TBC1D5: variants seen among roughly 807,000 people sequenced by gnomAD.
The protein encoded by TBC1D5 is TBC1 domain family member 5.
TBC1D5 carries 75 observed loss-of-function variants against 100.3 expected under a neutral mutation model. The ratio of observed to expected loss-of-function variants is 0.75; its 90% CI spans 0.62 to 0.91. TBC1D5 has a LOEUF of 0.91. Among genes scored for constraint, TBC1D5 ranks in the 40% least tolerant of loss-of-function variants. The probability of loss-of-function intolerance (pLI) is 0.00; values close to 1 mark genes in which losing one functional copy is unlikely to be tolerated. For synonymous variants in TBC1D5, 323 were observed against 325.6 expected, an observed-to-expected ratio of 0.99 and a Z score of 0.09; for missense variants, 910 against 942.4, an observed-to-expected ratio of 0.97 and a Z score of 0.45.
At chr3:17,704,491 G>A (rs1406395282) in intron 1 of TBC1D5, among the ~76,000 whole-genome samples, 2 of 132,168 alleles carry the variant, frequency 1.5e-5, no homozygotes, top group Non-Finnish European at 3.3e-5. Context: ...CTTCCCAGTA[G>A]GGGCGGCCGG....
At chr3:17,190,331 CAATTCTGGAA>C (rs1188604152) in intron 18 of TBC1D5, among the ~76,000 whole-genome samples, 1 of 152,054 alleles carries the variant, frequency 6.6e-6, no homozygotes, top group Non-Finnish European at 1.5e-5. Context: ...GGACTCCTTA[CAATTCTGGAA>C]AGGGAAGATG....
chr3:17,487,082 T>C (rs1026642941), intron 3 of TBC1D5, among the ~76,000 whole-genome samples: 1 of 152,234 alleles, frequency 6.6e-6, no homozygotes, highest in Admixed American at 6.5e-5. Context: ...AAACTGGCTA[T>C]AGCCTCTTGT....
chr3:17,378,237 CTCCAGTATTGAAGTCCT>C (rs1216730708), intron 9 of TBC1D5, among the ~76,000 whole-genome samples: 3 of 151,766 alleles, frequency 2.0e-5, no homozygotes, highest in African/African-American at 7.2e-5. Flanking sequence ...CTGAGGATTT[CTCCAGTATTGAAGTCCT>C]TGGAAGTAGA....
chr3:17,473,503 C>A (rs1246946706), intron 3 of TBC1D5, among the ~76,000 whole-genome samples: 1 of 152,122 alleles, frequency 6.6e-6, no homozygotes, highest in African/African-American at 2.4e-5. Flanking sequence ...AAAACTTAAA[C>A]CTAAATATAA....
intron 13 of TBC1D5, among the ~76,000 whole-genome samples, chr3:17,361,086 G>T (rs1245863804): frequency 6.6e-6 from 1 of 151,894 alleles, no homozygotes; most frequent in African/African-American, 2.4e-5. Flanking sequence ...GAAATCATTG[G>T]TTTCTCAAAC....
intron 19 of TBC1D5, among the ~76,000 whole-genome samples, chr3:17,181,266 G>A (rs7620885): frequency 0.034 from 5,102 of 152,228 alleles, 283 homozygotes; most frequent in African/African-American, 0.11. Flanking sequence ...TGGGAAATGT[G>A]GTACTAGTCC....
intron 19 of TBC1D5, among the ~76,000 whole-genome samples, chr3:17,168,907 G>T (rs1310039924): frequency 6.6e-6 from 1 of 152,126 alleles, no homozygotes; most frequent in East Asian, 1.9e-4. Context: ...CAGCTACTAG[G>T]GCTAATATAC....
At chr3:17,297,951 T>G (rs770040989) in intron 14 of TBC1D5, among the ~76,000 whole-genome samples, 3 of 152,110 alleles carry the variant, frequency 2.0e-5, no homozygotes, top group Non-Finnish European at 2.9e-5. Flanking sequence ...AGGTAAGTAC[T>G]CAGAATCAAA....
chr3:17,402,540 T>C (rs1257089994), intron 8 of TBC1D5, among the ~76,000 whole-genome samples: 1 of 152,076 alleles, frequency 6.6e-6, no homozygotes, highest in Non-Finnish European at 1.5e-5. Flanking sequence ...AAGAGGAAAC[T>C]GAGAGGGAAA....
At chr3:17,696,816 G>C (rs959132600) in intron 1 of TBC1D5, among the ~76,000 whole-genome samples, 6 of 152,108 alleles carry the variant, frequency 3.9e-5, no homozygotes, top group African/African-American at 1.4e-4. Context: ...AAGAATTTTA[G>C]ACCAATATCT....
At chr3:17,736,077 T>C (rs936684074) in intron 1 of TBC1D5, among the ~76,000 whole-genome samples, 1 of 152,168 alleles carries the variant, frequency 6.6e-6, no homozygotes, top group South Asian at 2.1e-4. Flanking sequence ...TAGTGAGCCC[T>C]CTTTACTACC....
At chr3:17,512,460 T>C (rs1560056650) in intron 2 of TBC1D5, among the ~76,000 whole-genome samples, 2 of 152,138 alleles carry the variant, frequency 1.3e-5, no homozygotes, top group African/African-American at 4.8e-5. Flanking sequence ...AGAACCAAGA[T>C]ACATACAGAG....
intron 2 of TBC1D5, among the ~76,000 whole-genome samples, chr3:17,549,998 T>C (rs1310481985): frequency 6.6e-6 from 1 of 151,434 alleles, no homozygotes; most frequent in East Asian, 1.9e-4. Flanking sequence ...CCTACTATCC[T>C]TTTGCAAAGT....
At chr3:17,686,419 A>G (rs2070294060) in intron 1 of TBC1D5, among the ~76,000 whole-genome samples, 1 of 151,958 alleles carries the variant, frequency 6.6e-6, no homozygotes, top group African/African-American at 2.4e-5. Context: ...ACTACATTAA[A>G]ACAATATAGT....
At chr3:17,656,781 A>G (rs775763649) in intron 1 of TBC1D5, among the ~76,000 whole-genome samples, 1 of 152,086 alleles carries the variant, frequency 6.6e-6, no homozygotes, top group East Asian at 1.9e-4. Context: ...TTTTTTCGCT[A>G]GAAAATGATG....
intron 2 of TBC1D5, among the ~76,000 whole-genome samples, chr3:17,610,478 C>T (rs925330042): frequency 2.0e-5 from 3 of 152,088 alleles, no homozygotes; most frequent in Non-Finnish European, 2.9e-5. Context: ...TGAGCCACTG[C>T]GCCCAGCCTC....
chr3:17,307,900 A>G, intron 14 of TBC1D5, 92 bp downstream of exon 14: 1 of 1,514,640 alleles, frequency 6.6e-7, no homozygotes, highest in Non-Finnish European at 8.9e-7. Context: ...CATGCAAATC[A>G]AATAATAAAA....
chr3:17,580,898 C>T (rs1423213254), intron 2 of TBC1D5, among the ~76,000 whole-genome samples: 2 of 152,148 alleles, frequency 1.3e-5, no homozygotes, highest in African/African-American at 2.4e-5. Context: ...CTAAAGGTGC[C>T]CCAAGGCTAG....
At chr3:17,186,268 T>C (rs1050788804) in intron 18 of TBC1D5, among the ~76,000 whole-genome samples, 2 of 152,174 alleles carry the variant, frequency 1.3e-5, no homozygotes, top group East Asian at 3.8e-4. Flanking sequence ...ATAATTTGAC[T>C]TGTGCATGGA....
Sources: allele counts gnomAD v4.1 joint callset (sites outside exome capture counted in the v4.1 genomes callset), GRCh38; gene constraint gnomAD v4.1.1; transcripts MANE v1.5; gene names NCBI Gene and HGNC (gene_info 2026-07-23, HGNC 2026-07-21).